The following FOXP1 variants were observed in gnomAD, a reference collection of about 807,000 sequenced individuals.
FOXP1 encodes the protein forkhead box P1, also known as forkhead box protein P1.
In FOXP1, 15 loss-of-function variants were observed where a neutral mutation model predicts 98.2. The ratio of observed to expected loss-of-function variants is 0.15; its 90% CI spans 0.10 to 0.24. The LOEUF is 0.24. Among genes scored for constraint, FOXP1 ranks in the 10% least tolerant of loss-of-function variants. The pLI is 1.00. For synonymous variants in FOXP1, 371 were observed against 314.5 expected (o/e 1.18, Z -1.90); for missense variants, 633 against 848.5 (o/e 0.75, Z 3.15).
chr3:71,130,531 T>C (rs2059503696), intron 6 of FOXP1: 2 of 1,598,470 alleles, frequency 1.3e-6, no homozygotes, highest in Non-Finnish European at 1.7e-6. Flanking sequence ...AGGGAGCCCG[T>C]ACTGTCTGCC....
chr3:71,338,565 C>G (rs1017346941), intron 4 of FOXP1, among the ~76,000 whole-genome samples: 1 of 152,066 alleles, frequency 6.6e-6, no homozygotes, highest in Non-Finnish European at 1.5e-5. Context: ...GTAGCTGGGA[C>G]TACAGGGGCC....
intron 1 of FOXP1, among the ~76,000 whole-genome samples, chr3:71,582,986 G>A (rs2048309021): frequency 6.6e-6 from 1 of 152,080 alleles, no homozygotes; most frequent in Non-Finnish European, 1.5e-5. Context: ...GGAAAGAAGG[G>A]GAAAAGTTTG....
At chr3:71,159,975 C>T (rs2108132100) in intron 6 of FOXP1, among the ~76,000 whole-genome samples, 1 of 152,286 alleles carries the variant, frequency 6.6e-6, no homozygotes, top group Middle Eastern at 3.4e-3. Context: ...CTGTCATGCA[C>T]ATGTGCTAAA....
chr3:70,974,176 A>G (rs1275661540), intron 17 of FOXP1, among the ~76,000 whole-genome samples: 2 of 152,202 alleles, frequency 1.3e-5, no homozygotes, highest in African/African-American at 4.8e-5. Context: ...CCTGATTCAA[A>G]AAAGTTGGAA....
At chr3:71,213,122 A>G (rs917943640) in intron 5 of FOXP1, among the ~76,000 whole-genome samples, 4 of 152,204 alleles carry the variant, frequency 2.6e-5, no homozygotes, top group African/African-American at 9.6e-5. Context: ...AACACTCCCA[A>G]ACAAATGAAA....
intron 5 of FOXP1, among the ~76,000 whole-genome samples, chr3:71,240,730 A>G (rs1189765400): frequency 6.6e-6 from 1 of 151,028 alleles, no homozygotes; most frequent in Non-Finnish European, 1.5e-5. Context: ...TATTTTTAGT[A>G]GAGACAGGGT....
At chr3:71,177,581 G>A (rs2062016348) in intron 6 of FOXP1, among the ~76,000 whole-genome samples, 1 of 152,162 alleles carries the variant, frequency 6.6e-6, no homozygotes, top group Non-Finnish European at 1.5e-5. Context: ...CAGATGTAGG[G>A]TGAAATCTGG....
chr3:71,008,387 T>A (rs1345140130), intron 12 of FOXP1, among the ~76,000 whole-genome samples: 1 of 151,970 alleles, frequency 6.6e-6, no homozygotes, highest in African/African-American at 2.4e-5. Flanking sequence ...AGGACTCAAG[T>A]GGGGAGAAGA....
intron 6 of FOXP1, among the ~76,000 whole-genome samples, chr3:71,156,189 G>A (rs916202155): frequency 7.2e-5 from 11 of 152,250 alleles, no homozygotes; most frequent in African/African-American, 2.6e-4. Context: ...AGGGGGAGGG[G>A]GGGTGAAAGT....
chr3:71,009,897 T>C (rs1353779403), intron 12 of FOXP1, among the ~76,000 whole-genome samples: 2 of 150,846 alleles, frequency 1.3e-5, no homozygotes, highest in South Asian at 2.1e-4. Context: ...TATGGGCACA[T>C]GCCACGACAC....
At chr3:70,988,864 T>G (rs555650338) in intron 13 of FOXP1, among the ~76,000 whole-genome samples, 1 of 152,156 alleles carries the variant, frequency 6.6e-6, no homozygotes, top group African/African-American at 2.4e-5. Context: ...CGATTACTTC[T>G]GTAAAAGAAG....
At chr3:71,164,303 C>T (rs920107733) in intron 6 of FOXP1, among the ~76,000 whole-genome samples, 1 of 152,034 alleles carries the variant, frequency 6.6e-6, no homozygotes, top group Admixed American at 6.6e-5. Flanking sequence ...GGGTTCATGC[C>T]ATTCTCCTGC....
intron 2 of FOXP1, among the ~76,000 whole-genome samples, chr3:71,534,524 CT>C (rs1375240495): frequency 6.6e-6 from 1 of 152,202 alleles, no homozygotes; most frequent in African/African-American, 2.4e-5. Flanking sequence ...AATTAAAAAG[CT>C]TTACTCCAAA....
chr3:71,031,977 A>T (rs950590909), intron 11 of FOXP1, among the ~76,000 whole-genome samples: 1 of 152,236 alleles, frequency 6.6e-6, no homozygotes, highest in African/African-American at 2.4e-5. Context: ...AGGGGGAGGA[A>T]AGGAAGCCAG....
intron 3 of FOXP1, among the ~76,000 whole-genome samples, chr3:71,467,029 A>C (rs918099365): frequency 2.0e-5 from 3 of 152,208 alleles, no homozygotes; most frequent in Non-Finnish European, 4.4e-5. Flanking sequence ...AAAAAGAAAA[A>C]AATGCTGAAG....
chr3:71,080,026 G>A (rs921566964), intron 7 of FOXP1, among the ~76,000 whole-genome samples: 2 of 152,162 alleles, frequency 1.3e-5, no homozygotes, highest in African/African-American at 2.4e-5. Flanking sequence ...TTCAGAGCAG[G>A]ACCCCCAAAT....
At chr3:71,221,762 G>T (rs77447100) in intron 5 of FOXP1, among the ~76,000 whole-genome samples, 11,721 of 152,144 alleles carry the variant, frequency 0.077, 592 homozygotes, top group East Asian at 0.22. Flanking sequence ...TTTTGGAAGG[G>T]TCCTGTCTCT....
intron 3 of FOXP1, among the ~76,000 whole-genome samples, chr3:71,362,204 G>A (rs2078617912): frequency 1.3e-5 from 2 of 152,080 alleles, no homozygotes; most frequent in South Asian, 2.1e-4. Context: ...ATGGAGTCTC[G>A]CTCTGTCACC....
At chr3:71,533,188 T>C (rs1266643407) in intron 2 of FOXP1, among the ~76,000 whole-genome samples, 1 of 152,180 alleles carries the variant, frequency 6.6e-6, no homozygotes, top group Non-Finnish European at 1.5e-5. Context: ...GCAAGATGCA[T>C]TATCATGGTA....
Sources: gnomAD v4.1 joint callset for allele counts (sites outside exome capture counted in the v4.1 genomes callset) on GRCh38, gnomAD v4.1.1 for gene constraint, MANE v1.5 for transcripts, NCBI Gene and HGNC (gene_info 2026-07-23, HGNC 2026-07-21) for gene names.